The following ILKAP variants were observed in gnomAD, a reference collection of about 807,000 sequenced individuals.
ILKAP encodes integrin-linked kinase-associated serine/threonine phosphatase 2C.
Under a neutral mutation model 49.1 loss-of-function variants are expected in ILKAP, and 11 were observed. The observed-to-expected ratio is 0.22, with a 90% CI of 0.14 to 0.37. The LOEUF is 0.37. ILKAP is among the 10% of genes least tolerant of loss of function. The pLI is 1.00. For synonymous variants in ILKAP, 186 were observed against 192.8 expected, an observed-to-expected ratio of 0.96 and a Z score of 0.29; for missense variants, 363 against 510.8, an observed-to-expected ratio of 0.71 and a Z score of 2.79.
intron 1 of ILKAP, among the ~76,000 whole-genome samples, chr2:238,200,036 C>G (rs1694505292): frequency 6.6e-6 from 1 of 152,164 alleles, no homozygotes. Context: ...AAGAACCACC[C>G]TATAAAAGTG....
chr2:238,183,524 C>A lies in ILKAP; in HGVS notation c.714+129G>T, dbSNP rs545386824. On this transcript the variant is annotated intron_variant, in intron 8 of 11. Coordinates refer to ENST00000254654, the MANE Select transcript of ILKAP (RefSeq NM_030768.3). ...AGAAGTTAAACTGCAGCAGAACACT[C>A]TGCAGCAACCCCAGAAGAAAGGTTT... 6.8e-5 allele frequency: 47 copies of A among 690,006 alleles called. 1 individual carries two copies. The South Asian group carries it at 8.0e-4, about 12-fold the overall frequency. The allele number at this position is 690,006 out of a possible 1,614,324, so 42.7% of individuals were successfully genotyped here. A position where few individuals can be genotyped will look rare whatever the true frequency, so the allele number is the denominator to read the frequency against.
At chr2:238,181,937 G>A (rs541857572) in intron 9 of ILKAP, 128 bp downstream of exon 9, 1 of 961,014 alleles carries the variant, frequency 1.0e-6, no homozygotes, top group South Asian at 1.6e-5. Context: ...ACCAGTGTTA[G>A]ATCTCAGACA....
chr2:238,170,911 G>C, intron 11 of ILKAP, 32 bp downstream of exon 11: 1 of 1,590,542 alleles, frequency 6.3e-7, no homozygotes, highest in Non-Finnish European at 8.6e-7. Context: ...ACACAATTGG[G>C]ACAACCACCA....
chr2:238,193,537 C>A (rs1694228001), intron 3 of ILKAP, among the ~76,000 whole-genome samples: 1 of 152,172 alleles, frequency 6.6e-6, no homozygotes, highest in Non-Finnish European at 1.5e-5. Context: ...TATTAACTTT[C>A]ATTACAACTA....
chr2:238,170,720 C>T lies in ILKAP; in HGVS notation c.1039-44G>A, dbSNP rs776387999. The T allele has an allele frequency of 1.4e-5, 22 of 1,600,564 alleles. No individual in the cohort carries two copies. In the Admixed American group the frequency reaches 3.5e-4, roughly 26 times the overall value. On this transcript the variant is annotated intron_variant, in intron 11 of 11. Coordinates refer to ENST00000254654, the MANE Select transcript of ILKAP (RefSeq NM_030768.3). The stretch of plus-strand genomic sequence containing the variant: ...AATGAGTGAATGGAGTGACCCCGCA[C>T]CCTGTCACTTTCCTGAGACATGACT...
At chr2:238,201,889 A>G (rs1694584648) in intron 1 of ILKAP, among the ~76,000 whole-genome samples, 1 of 152,236 alleles carries the variant, frequency 6.6e-6, no homozygotes, top group African/African-American at 2.4e-5. Flanking sequence ...GTCAAGTTCA[A>G]AGACTCCAGG....
intron 1 of ILKAP, among the ~76,000 whole-genome samples, chr2:238,196,086 CTTTTT>C (rs34504570): frequency 2.6e-3 from 202 of 77,448 alleles, no homozygotes; most frequent in African/African-American, 1.0e-2. Flanking sequence ...AACCAATTCA[CTTTTT>C]TTTTTTTTTT....
rs1243265263 is a variant in ILKAP at position 238,182,189 on chromosome 2, G to A, written c.715-3C>T. The A allele has an allele frequency of 1.9e-6, 3 of 1,613,190 alleles. No individual in the cohort carries two copies. Among genetic ancestry groups the A allele is most frequent in the African/African-American group, 2.7e-5 (2 of 75,010 alleles). ...TCATTATAACGACACAAGATTGCCT[G>A]GGAAGATGGAGATTGTAATAGTCAT... On this transcript the variant is annotated splice_region_variant and splice_polypyrimidine_tract_variant and intron_variant, in intron 8 of 11. Coordinates refer to ENST00000254654, the MANE Select transcript of ILKAP (RefSeq NM_030768.3).
intron 6 of ILKAP, among the ~76,000 whole-genome samples, chr2:238,184,336 C>T (rs1315819657): frequency 1.3e-5 from 2 of 152,106 alleles, no homozygotes; most frequent in Non-Finnish European, 1.5e-5. Flanking sequence ...AATACAGGCG[C>T]GCGCAACCAT....
chr2:238,196,361 G>T (rs1256693549), intron 1 of ILKAP, among the ~76,000 whole-genome samples: 1 of 152,094 alleles, frequency 6.6e-6, no homozygotes, highest in African/African-American at 2.4e-5. Flanking sequence ...AAAGCGCTGG[G>T]ATTACAGGGG....
At chr2:238,191,983 C>T (rs1200651358) in intron 3 of ILKAP, among the ~76,000 whole-genome samples, 1 of 151,254 alleles carries the variant, frequency 6.6e-6, no homozygotes, top group Non-Finnish European at 1.5e-5. Flanking sequence ...GAGGCAGAGG[C>T]AGGCGGATCA....
rs1693798028 is a variant in ILKAP at position 238,183,949 on chromosome 2, A to G, written c.626+71T>C. ...GTGAGCAATAGTGTTAAACCACATCAGAAGACTGAAATGCATTTAGGAAAA... is the reference window on the plus strand; with the variant it reads ...GTGAGCAATAGTGTTAAACCACATCGGAAGACTGAAATGCATTTAGGAAAA... On this transcript the variant is annotated intron_variant, in intron 7 of 11. Transcript: ENST00000254654. The G allele has an allele frequency of 8.3e-6, 9 of 1,085,718 alleles. No individual in the cohort carries two copies. The South Asian group carries it at 1.1e-4, about 14-fold the overall frequency. 67.3% of individuals were successfully genotyped at this position (1,085,718 alleles called of 1,614,324 possible). A position where few individuals can be genotyped will look rare whatever the true frequency, so the allele number is the denominator to read the frequency against.
At chr2:238,187,649 G>C (rs1455030411) in intron 5 of ILKAP, among the ~76,000 whole-genome samples, 1 of 152,028 alleles carries the variant, frequency 6.6e-6, no homozygotes, top group Non-Finnish European at 1.5e-5. Context: ...AGCTCTGCTT[G>C]ATCACCATTC....
intron 1 of ILKAP, among the ~76,000 whole-genome samples, chr2:238,201,728 T>C (rs1456064746): frequency 6.6e-6 from 1 of 152,234 alleles, no homozygotes; most frequent in Non-Finnish European, 1.5e-5. Flanking sequence ...TTAAGACTCA[T>C]AGGTTTACAC....
At position 238,170,534 on chromosome 2, in the gene ILKAP, CCT is replaced by C. The variant is rs1693164420; in HGVS notation, c.1179_*1del. 2 of 1,594,360 alleles carry C rather than the reference CCT, an allele frequency of 1.3e-6. No individual in the cohort carries two copies. The highest frequency in any genetic ancestry group is 1.7e-6 in the Non-Finnish European group (2 of 1,165,978). On this transcript the variant is annotated stop_lost and 3_prime_UTR_variant, in exon 12 of 12. Coordinates refer to ENST00000254654, the MANE Select transcript of ILKAP (RefSeq NM_030768.3). ...TGCGTGCTCCTGGCCGCGCGCCACC[CCT>C]CAGTGCCCTATCCGCACCACCATCA... is the stretch of plus-strand genomic sequence containing the variant.
chr2:238,203,400 C>T, intron 1 of ILKAP, 99 bp downstream of exon 1: 1 of 460,382 alleles, frequency 2.2e-6, no homozygotes, highest in Non-Finnish European at 3.0e-6. Flanking sequence ...CGCCCGCCGC[C>T]TCCCAGCGCG....
chr2:238,185,499 T>TA (rs34992484), intron 5 of ILKAP: 94,088 of 427,014 alleles, frequency 0.22, 7,616 homozygotes, highest in East Asian at 0.42. Context: ...TATCTTTTTT[T>TA]AAAAAAAAAA....
intron 9 of ILKAP, among the ~76,000 whole-genome samples, chr2:238,178,299 A>G (rs1411606784): frequency 1.3e-5 from 2 of 152,220 alleles, no homozygotes; most frequent in Non-Finnish European, 2.9e-5. Context: ...CTTCTGTCTC[A>G]GCCACCCGAG....
intron 9 of ILKAP, among the ~76,000 whole-genome samples, chr2:238,174,078 G>T (rs1183191474): frequency 6.6e-6 from 1 of 152,168 alleles, no homozygotes; most frequent in African/African-American, 2.4e-5. Flanking sequence ...TAGAACAGAG[G>T]GATATTTTGC....
Sources: gnomAD v4.1 joint callset for allele counts (sites outside exome capture counted in the v4.1 genomes callset) on GRCh38, gnomAD v4.1.1 for gene constraint, MANE v1.5 for transcripts, NCBI Gene and HGNC (gene_info 2026-07-23, HGNC 2026-07-21) for gene names.